GAB1: variants seen among roughly 807,000 people sequenced by gnomAD.
GAB1 encodes GRB2 associated binding protein 1.
A neutral mutation model predicts 66.5 loss-of-function variants in GAB1; 19 were observed. That is an observed-to-expected ratio of 0.29 (90% CI 0.20 to 0.42). The LOEUF (loss-of-function observed/expected upper bound fraction) is 0.42, where lower values mean the gene tolerates loss of function less well. GAB1 is among the 10% of genes least tolerant of loss of function. The pLI is 1.00. For missense variants in GAB1, 732 were observed against 858.5 expected, an observed-to-expected ratio of 0.85 and a Z score of 1.84; for synonymous variants, 294 against 301.4, an observed-to-expected ratio of 0.98 and a Z score of 0.25.
intron 1 of GAB1, among the ~76,000 whole-genome samples, chr4:143,415,015 T>A (rs1732604669): frequency 6.6e-6 from 1 of 152,156 alleles, no homozygotes; most frequent in Admixed American, 6.5e-5. Flanking sequence ...AATACCATTC[T>A]GCTTTCTGTC....
intron 6 of GAB1, among the ~76,000 whole-genome samples, chr4:143,443,802 A>G (rs912747867): frequency 6.6e-6 from 1 of 152,190 alleles, no homozygotes; most frequent in South Asian, 2.1e-4. Context: ...TTATAGCCCC[A>G]ATTATAGATG....
At chr4:143,457,895 C>T (rs945294593) in intron 6 of GAB1, 1 of 591,920 alleles carries the variant, frequency 1.7e-6, no homozygotes, top group Admixed American at 3.9e-5. Context: ...AACTTTCCTG[C>T]ACATTATTTC....
At chr4:143,456,424 T>A (rs898684385) in intron 6 of GAB1, among the ~76,000 whole-genome samples, 1 of 150,734 alleles carries the variant, frequency 6.6e-6, no homozygotes, top group Non-Finnish European at 1.5e-5. Flanking sequence ...GCCATTGCAC[T>A]CTAGCCTGGG....
chr4:143,391,031 G>T (rs1366234465), intron 1 of GAB1, among the ~76,000 whole-genome samples: 2 of 152,174 alleles, frequency 1.3e-5, no homozygotes, highest in Admixed American at 6.5e-5. Context: ...TGCCAGAGAG[G>T]CTGAGTGGTA....
At chr4:143,352,561 A>G (rs746530432) in intron 1 of GAB1, among the ~76,000 whole-genome samples, 1 of 152,224 alleles carries the variant, frequency 6.6e-6, no homozygotes, top group South Asian at 2.1e-4. Flanking sequence ...TTCAGTGTGC[A>G]TAACAATCAC....
chr4:143,421,521 G>C (rs931374004), intron 2 of GAB1, among the ~76,000 whole-genome samples: 1 of 152,050 alleles, frequency 6.6e-6, no homozygotes, highest in Admixed American at 6.6e-5. Flanking sequence ...TACCAGCAGC[G>C]TGTGAGAGTT....
chr4:143,415,438 CA>C, intron 1 of GAB1, 38 bp from the exon 2 acceptor site: 3 of 1,464,820 alleles, frequency 2.0e-6, no homozygotes, highest in Admixed American at 2.2e-5. Flanking sequence ...AACATTATCT[CA>C]AGTTAATACT....
Position 143,411,438 on chromosome 4 carries a change from G to C in GAB1, c.73-4039G>C, listed in dbSNP as rs146604303. ...ATTTCAGCTTCTTCATTACCTGCTC[G>C]TAATGGAAGTCTAGTCGTTAAAATG... On this transcript the variant is annotated intron_variant, in intron 1 of 9. Transcript: ENST00000262994. 3.4e-3 allele frequency among the ~76,000 whole-genome samples: 519 copies of C among 152,240 alleles called. 5 individuals carry two copies. The highest frequency in any genetic ancestry group is 0.012 in the African/African-American group (487 of 41,522).
chr4:143,375,970 T>C (rs755755703), intron 1 of GAB1, among the ~76,000 whole-genome samples: 1 of 152,142 alleles, frequency 6.6e-6, no homozygotes, highest in African/African-American at 2.4e-5. Context: ...CGCTGCTGCA[T>C]AGGAGCTCCT....
chr4:143,409,103 G>T (rs1402769810), intron 1 of GAB1, among the ~76,000 whole-genome samples: 1 of 152,204 alleles, frequency 6.6e-6, no homozygotes, highest in Non-Finnish European at 1.5e-5. Flanking sequence ...GCGTGATGTT[G>T]CTGAGAGCTC....
At chr4:143,370,351 G>A (rs1730065331) in intron 1 of GAB1, among the ~76,000 whole-genome samples, 1 of 152,058 alleles carries the variant, frequency 6.6e-6, no homozygotes, top group Non-Finnish European at 1.5e-5. Flanking sequence ...CTGACCCTGG[G>A]CTCTTCTGTC....
chr4:143,431,366 TAATTC>T (rs1454300903), intron 2 of GAB1, among the ~76,000 whole-genome samples: 1 of 152,066 alleles, frequency 6.6e-6, no homozygotes, highest in Admixed American at 6.6e-5. Flanking sequence ...TGGAGAAAAA[TAATTC>T]AGTTGACTAG....
chr4:143,446,326 GTCAAA>G (rs1179480169), intron 6 of GAB1, among the ~76,000 whole-genome samples: 1 of 152,210 alleles, frequency 6.6e-6, no homozygotes, highest in East Asian at 1.9e-4. Flanking sequence ...GGATGGCTGG[GTCAAA>G]TGGTATTGCT....
At chr4:143,466,254 T>C (rs928207618) in intron 9 of GAB1, 29 bp downstream of exon 9, 26 of 1,607,870 alleles carry the variant, frequency 1.6e-5, no homozygotes, top group Non-Finnish European at 2.2e-5. Context: ...GTCTCTTCTT[T>C]GTATACAGTT....
At chr4:143,395,634 C>A in intron 1 of GAB1, 1 of 277,394 alleles carries the variant, frequency 3.6e-6, no homozygotes, top group Non-Finnish European at 7.1e-6. Context: ...GTAACTCTCC[C>A]TAAAATGTTT....
intron 6 of GAB1, among the ~76,000 whole-genome samples, chr4:143,443,704 C>T (rs1205362207): frequency 3.3e-5 from 5 of 152,218 alleles, no homozygotes; most frequent in Admixed American, 2.6e-4. Context: ...TTCAGAGCTC[C>T]ATATAACTAG....
chr4:143,404,175 A>T (rs1486934196), intron 1 of GAB1, among the ~76,000 whole-genome samples: 1 of 152,228 alleles, frequency 6.6e-6, no homozygotes, highest in Non-Finnish European at 1.5e-5. Context: ...AGAAATAATT[A>T]TTTTGGATTG....
Position 143,440,193 on chromosome 4 carries a change from C to T in GAB1, c.1396C>T (p.Pro466Ser). 1 of 1,614,142 alleles carries T rather than the reference C, an allele frequency of 6.2e-7. No individual in the cohort carries two copies. Among genetic ancestry groups the T allele is most frequent in the Non-Finnish European group, 8.5e-7 (1 of 1,180,004 alleles). The change falls in exon 6 of 10, where the codon CCA (proline) becomes TCA (serine). Residue 466 changes from proline to serine, a missense_variant. This residue lies in a region of GAB1 where 427 missense variants were observed against 420.6 expected (regional missense o/e 1.02). Coordinates refer to ENST00000262994, the MANE Select transcript of GAB1 (RefSeq NM_002039.4). ...ACAACATTCCAGCAGTTTTACAGAA[C>T]CAATTCAGGAAGCAAATTATGTGCC... ...PRQHSSSFTE[P>S]IQEANYVPMT...
At position 143,425,891 on chromosome 4, in the gene GAB1, G is replaced by T; in HGVS notation, c.368-7600G>T. ...ACTGGTCTGCAGCTCCCACTGCTCA[G>T]GCCACTGAATGGGTAGGAGCAACCA... On this transcript the variant is annotated intron_variant, in intron 2 of 9. Coordinates refer to ENST00000262994, the MANE Select transcript of GAB1 (RefSeq NM_002039.4). 13 of 1,421,072 alleles carry T rather than the reference G, an allele frequency of 9.1e-6. No individual in the cohort carries two copies. The South Asian group carries it at 1.5e-4, about 16-fold the overall frequency. 88.0% of individuals were successfully genotyped at this position (1,421,072 alleles called of 1,614,324 possible).
Sources: allele counts gnomAD v4.1 joint callset (sites outside exome capture counted in the v4.1 genomes callset), GRCh38; gene constraint gnomAD v4.1.1; regional missense constraint gnomAD v4.1.1; transcripts MANE v1.5; gene names NCBI Gene and HGNC (gene_info 2026-07-23, HGNC 2026-07-21).